The following CERS1 variants were observed in gnomAD, a reference collection of about 807,000 sequenced individuals.
CERS1 encodes ceramide synthase 1, also known as Embryonic growth/differentiation factor 1.
CERS1 carries 16 observed loss-of-function variants against 35.7 expected under a neutral mutation model. That is an observed-to-expected ratio of 0.45 (90% CI 0.30 to 0.68). The LOEUF (loss-of-function observed/expected upper bound fraction) is 0.68, where lower values mean the gene tolerates loss of function less well. CERS1 is among the 30% of genes least tolerant of loss of function. The pLI is 0.08. For synonymous variants in CERS1, 243 were observed against 201.6 expected, an observed-to-expected ratio of 1.21 and a Z score of -1.74; for missense variants, 454 against 453.9, an observed-to-expected ratio of 1.00 and a Z score of 0.00.
rs2056289896 is a variant in CERS1, at chr19:18,884,181, T to A, written c.496A>T (p.Thr166Ser). 2 of 1,613,224 alleles carry A rather than the reference T, an allele frequency of 1.2e-6. No individual in the cohort carries two copies. Reference sequence around the variant, plus strand: ...TTGCGCCAGGTGTCCATGTATAGCGTAGCGTAGATGGAGTGGCCATAGAAG... The same window carrying A: ...TTGCGCCAGGTGTCCATGTATAGCGAAGCGTAGATGGAGTGGCCATAGAAG... ...GSFYGHSIYA[T>S]LYMDTWRKDS... Residue 166 changes from threonine (T) to serine (S), a missense_variant, in exon 3 of 8, where the codon ACG becomes TCG. By Grantham distance (58) the Thr-to-Ser change is moderately conservative. Transcript: ENST00000623882.
intron 2 of CERS1, 36 bp from the exon 3 acceptor site, chr19:18,884,303 G>T: frequency 6.4e-7 from 1 of 1,572,882 alleles, no homozygotes. Flanking sequence ...AGGGCCCTGC[G>T]AAGCCTCTAG....
At chr19:18,874,830 T>A (rs1044069891) in intron 6 of CERS1, among the ~76,000 whole-genome samples, 1 of 152,012 alleles carries the variant, frequency 6.6e-6, no homozygotes, top group Non-Finnish European at 1.5e-5. Context: ...TGGGGTGAGA[T>A]GGGGTGAGGA....
intron 2 of CERS1, among the ~76,000 whole-genome samples, chr19:18,886,606 TG>T (rs1218947516): frequency 7.9e-5 from 12 of 152,152 alleles, no homozygotes; most frequent in African/African-American, 2.7e-4. Context: ...GAAGCCATGC[TG>T]TGCTCTGCCC....
At position 18,869,366 on chromosome 19, in the gene CERS1, G is replaced by C. The variant is rs1439162400; in HGVS notation, c.*619C>G. ...AGGGCAATGCCCCGCGGCCGAGGCA[G>C]GCTCCGAGGCCCGGGTGGGCGCACC... On this transcript the variant is annotated 3_prime_UTR_variant, in exon 8 of 8. Coordinates refer to ENST00000623882, the MANE Select transcript of CERS1 (RefSeq NM_021267.5). The C allele has an allele frequency of 5.2e-6, 8 of 1,530,576 alleles. No individual in the cohort carries two copies. The African/African-American group carries it at 8.3e-5, about 16-fold the overall frequency. 94.8% of individuals were successfully genotyped at this position (1,530,576 alleles called of 1,614,324 possible). A position where few individuals can be genotyped will look rare whatever the true frequency, so the allele number is the denominator to read the frequency against.
chr19:18,869,385 GC>G lies in CERS1; in HGVS notation c.*599del. 1 of 1,528,612 alleles carries G rather than the reference GC, an allele frequency of 6.5e-7. No individual in the cohort carries two copies. Among genetic ancestry groups the G allele is most frequent in the Non-Finnish European group, 8.7e-7 (1 of 1,144,350 alleles). The allele number at this position is 1,528,612 out of a possible 1,614,324, so 94.7% of individuals were successfully genotyped here. On this transcript the variant is annotated 3_prime_UTR_variant, in exon 8 of 8. Transcript: ENST00000623882. ...GAGGCAGGCTCCGAGGCCCGGGTGG[GC>G]GCACCTGGGGAGGTAGGAACAGGAA...
chr19:18,882,460 C>T (rs2056235530), intron 3 of CERS1, among the ~76,000 whole-genome samples: 1 of 151,414 alleles, frequency 6.6e-6, no homozygotes. Context: ...TGGTGAAACC[C>T]CATCTCTACT....
chr19:18,884,057 C>T (rs761449511), intron 3 of CERS1, 30 bp downstream of exon 3: 32 of 1,598,560 alleles, frequency 2.0e-5, no homozygotes, highest in African/African-American at 2.7e-5. Flanking sequence ...GGCTGTGCCT[C>T]GGCCCCCTGC....
chr19:18,896,540 C>T (rs2056629986), upstream of CERS1: 1 of 154,074 alleles, frequency 6.5e-6, no homozygotes, highest in Non-Finnish European at 1.4e-5. This position sits in a 1 kb window ranked among gnomAD's most constrained non-coding sequence, Gnocchi z 5.9. Context: ...GCTCCATCGC[C>T]CCGGCCCGCT....
chr19:18,869,329 G>C lies in CERS1; in HGVS notation c.*656C>G, dbSNP rs1440980607. On this transcript the variant is annotated 3_prime_UTR_variant, in exon 8 of 8. Coordinates refer to ENST00000623882, the MANE Select transcript of CERS1 (RefSeq NM_021267.5). ...GTTCCACAGCCGACAGGTCGAAGAC[G>C]ACTGTCCACTCAGGGCAATGCCCCG... 3.3e-6 allele frequency: 5 copies of C among 1,528,154 alleles called. No individual in the cohort carries two copies. Among genetic ancestry groups the C allele is most frequent in the Non-Finnish European group, 1.7e-6 (2 of 1,144,778 alleles). 94.7% of individuals were successfully genotyped at this position (1,528,154 alleles called of 1,614,324 possible).
At chr19:18,896,455 G>C (rs2056628790), upstream of CERS1, 1 of 151,948 alleles carries the variant, frequency 6.6e-6, no homozygotes, top group African/African-American at 2.4e-5. The surrounding 1 kb of genome is among the most constrained non-coding windows in gnomAD (Gnocchi z 5.9). Flanking sequence ...GGGGGGCACG[G>C]GGGACACTAG....
At chr19:18,891,631 G>A (rs1214430293) in intron 2 of CERS1, among the ~76,000 whole-genome samples, 1 of 152,150 alleles carries the variant, frequency 6.6e-6, no homozygotes, top group Non-Finnish European at 1.5e-5. Flanking sequence ...AGGCTGGAGT[G>A]CAGTGGCATG....
At chr19:18,889,720 G>A (rs776818159) in intron 2 of CERS1, among the ~76,000 whole-genome samples, 29 of 151,974 alleles carry the variant, frequency 1.9e-4, no homozygotes, top group African/African-American at 3.9e-4. Context: ...GTGAGTCACC[G>A]CACCTGGCCT....
Position 18,878,048 on chromosome 19 carries a change from C to T in CERS1, c.1010+882G>A. The T allele has an allele frequency of 1.0e-6, 1 of 985,524 alleles. No individual in the cohort carries two copies. Among genetic ancestry groups the T allele is most frequent in the Non-Finnish European group, 1.2e-6 (1 of 829,976 alleles). 61.0% of individuals were successfully genotyped at this position (985,524 alleles called of 1,614,324 possible). On this transcript the variant is annotated intron_variant, in intron 6 of 7. Transcript: ENST00000623882. The surrounding 1 kb of genome is among the most constrained non-coding windows in gnomAD (Gnocchi z 4.6). ...CCCCGGATGTGTTAAATGTCTGCAT[C>T]TCGCACCTCCCGTTCCAAAAAACGT... is the stretch of plus-strand genomic sequence containing the variant.
At chr19:18,882,995 AATTT>A (rs1009830556) in intron 3 of CERS1, 4 of 152,112 alleles carry the variant, frequency 2.6e-5, no homozygotes, top group African/African-American at 9.7e-5. Flanking sequence ...TCAGCCTAAA[AATTT>A]ATTTATTAGA....
chr19:18,870,239 C>T lies in CERS1; in HGVS notation c.*338G>A. 2 of 1,548,638 alleles carry T rather than the reference C, an allele frequency of 1.3e-6. No individual in the cohort carries two copies. Among genetic ancestry groups the T allele is most frequent in the African/African-American group, 1.4e-5 (1 of 72,700 alleles). On this transcript the variant is annotated 3_prime_UTR_variant, in exon 7 of 8. Transcript: ENST00000623882. The surrounding 1 kb of genome is among the most constrained non-coding windows in gnomAD (Gnocchi z 5.1). ...GCACGGGGGCGCGGGTCAGGGGCAGCGAGGGCAGCAGCAGGGCCAGGAGGA... is the reference window on the plus strand; with the variant it reads ...GCACGGGGGCGCGGGTCAGGGGCAGTGAGGGCAGCAGCAGGGCCAGGAGGA...
Position 18,878,146 on chromosome 19 carries a change from A to G in CERS1, c.1010+784T>C. 2 of 985,574 alleles carry G rather than the reference A, an allele frequency of 2.0e-6. No individual in the cohort carries two copies. The highest frequency in any genetic ancestry group is 2.4e-6 in the Non-Finnish European group (2 of 830,036). The allele number at this position is 985,574 out of a possible 1,614,324, so 61.1% of individuals were successfully genotyped here. ...ACCGATGGCCCCCACCGGCCAAATCAGAGGGCCTGGCTGGTCGGCACCTTC... is the reference window on the plus strand; with the variant it reads ...ACCGATGGCCCCCACCGGCCAAATCGGAGGGCCTGGCTGGTCGGCACCTTC... On this transcript the variant is annotated intron_variant, in intron 6 of 7. Coordinates refer to ENST00000623882, the MANE Select transcript of CERS1 (RefSeq NM_021267.5). This position sits in a 1 kb window ranked among gnomAD's most constrained non-coding sequence, Gnocchi z 4.6.
chr19:18,893,596 G>C (rs757515801), intron 1 of CERS1, 21 bp from the exon 2 acceptor site: 1 of 1,595,836 alleles, frequency 6.3e-7, no homozygotes, highest in South Asian at 1.1e-5. Context: ...GAAGACAGGC[G>C]GGCAGCCATT....
At chr19:18,887,675 C>T (rs148791119) in intron 2 of CERS1, among the ~76,000 whole-genome samples, 10,053 of 143,386 alleles carry the variant, frequency 0.07, 731 homozygotes, top group African/African-American at 0.19. Flanking sequence ...ACCCGGGAGG[C>T]GGAGGTTGTG....
chr19:18,882,771 C>T (rs2056246817), intron 3 of CERS1, among the ~76,000 whole-genome samples: 1 of 152,010 alleles, frequency 6.6e-6, no homozygotes, highest in Non-Finnish European at 1.5e-5. Context: ...CGGCTCACTG[C>T]AACCTCCGCC....
Sources: gnomAD v4.1 joint callset for allele counts (sites outside exome capture counted in the v4.1 genomes callset) on GRCh38, gnomAD v4.1.1 for gene constraint, Gnocchi (gnomAD v3.1) non-coding constraint, MANE v1.5 for transcripts, NCBI Gene and HGNC (gene_info 2026-07-23, HGNC 2026-07-21) for gene names.